The following INTS6 variants were observed in gnomAD, a reference collection of about 807,000 sequenced individuals.
The protein encoded by INTS6 is integrator complex subunit 6, also known as DEAD box protein.
A neutral mutation model predicts 104.9 loss-of-function variants in INTS6; 16 were observed. The ratio of observed to expected loss-of-function variants is 0.15; its 90% CI spans 0.10 to 0.23. INTS6 has a LOEUF of 0.23. Among genes scored for constraint, INTS6 ranks in the 10% least tolerant of loss-of-function variants. The pLI, the probability that INTS6 is intolerant of heterozygous loss-of-function variation, is 1.00. For missense variants in INTS6, 584 were observed against 1,062.8 expected (o/e 0.55, Z 6.26); for synonymous variants, 324 against 358.7 (o/e 0.90, Z 1.09).
the INTS6 span, among the ~76,000 whole-genome samples, chr13:51,345,099 A>G: frequency 3.3e-5 from 5 of 152,290 alleles, no homozygotes; most frequent in Non-Finnish European, 5.9e-5. Context: ...TGTTTAGTTT[A>G]TTTAGTTAGC....
At chr13:51,420,479 T>C (rs1041918975) in intron 4 of INTS6, among the ~76,000 whole-genome samples, 2 of 152,076 alleles carry the variant, frequency 1.3e-5, no homozygotes, top group African/African-American at 4.8e-5. Context: ...TTAAACTTTT[T>C]CCAAAATACT....
intron 16 of INTS6, 88 bp downstream of exon 16, chr13:51,368,851 T>A: frequency 1.5e-6 from 2 of 1,324,476 alleles, no homozygotes; most frequent in Non-Finnish European, 2.1e-6. Flanking sequence ...TGTATTCTTT[T>A]ACTACAGTTA....
intron 10 of INTS6, among the ~76,000 whole-genome samples, chr13:51,380,442 A>G (rs551825237): frequency 2.0e-5 from 3 of 152,288 alleles, no homozygotes; most frequent in East Asian, 3.9e-4. Context: ...TTTAACACCT[A>G]TCTGGCTTGG....
At chr13:51,365,898 A>G in intron 17 of INTS6, 53 bp from the exon 18 acceptor site, 1 of 1,014,964 alleles carries the variant, frequency 9.9e-7, no homozygotes, top group Non-Finnish European at 1.4e-6. Context: ...AATAGTATAT[A>G]TCAGTATAAT....
At position 51,364,274 on chromosome 13, in the gene INTS6, C is replaced by A; in HGVS notation, c.*1478G>T. 6.8e-7 allele frequency: 1 copy of A among 1,476,692 alleles called. No homozygotes were observed. The highest frequency in any genetic ancestry group is 9.1e-7 in the Non-Finnish European group (1 of 1,100,020). 91.5% of individuals were successfully genotyped at this position (1,476,692 alleles called of 1,614,324 possible). A position where few individuals can be genotyped will look rare whatever the true frequency, so the allele number is the denominator to read the frequency against. On this transcript the variant is annotated 3_prime_UTR_variant, in exon 18 of 18. Coordinates refer to ENST00000311234, the MANE Select transcript of INTS6 (RefSeq NM_012141.3). ...CAGTATTGGGAGAGTTTCAAATCCC[C>A]TAGACTAAATGCATGTTCTCCACTT...
chr13:51,344,454 G>T, the INTS6 span: 21 of 1,599,436 alleles, frequency 1.3e-5, no homozygotes, highest in Non-Finnish European at 1.1e-5. Flanking sequence ...CCGCCATCCA[G>T]ACTAGCGAAG....
At chr13:51,368,359 C>G (rs539973462) in intron 16 of INTS6, among the ~76,000 whole-genome samples, 1 of 152,164 alleles carries the variant, frequency 6.6e-6, no homozygotes, top group South Asian at 2.1e-4. Context: ...GTCTGAACTC[C>G]AAGGACTGAT....
chr13:51,357,294 A>G (rs539220085), downstream of INTS6, among the ~76,000 whole-genome samples: 1 of 152,316 alleles, frequency 6.6e-6, no homozygotes, highest in South Asian at 2.1e-4. Flanking sequence ...TCTCCAACAA[A>G]TAGTTTCCTC....
intron 4 of INTS6, among the ~76,000 whole-genome samples, 163 bp from the exon 5 acceptor site, chr13:51,395,646 A>C (rs983378129): frequency 7.2e-5 from 11 of 152,228 alleles, no homozygotes; most frequent in Admixed American, 5.9e-4. Flanking sequence ...AAAACAGCAC[A>C]TGATACTGTT....
At chr13:51,414,887 T>C (rs981363433) in intron 4 of INTS6, among the ~76,000 whole-genome samples, 1 of 149,926 alleles carries the variant, frequency 6.7e-6, no homozygotes, top group Admixed American at 6.7e-5. Flanking sequence ...AGACTCAAGA[T>C]TGAATTCCTC....
At chr13:51,344,226 A>G in the INTS6 span, 1 of 1,582,620 alleles carries the variant, frequency 6.3e-7, no homozygotes, top group South Asian at 1.1e-5. Flanking sequence ...CACCATTGTC[A>G]ACTTATCCCA....
chr13:51,430,459 A>G (rs907054933), intron 3 of INTS6, 76 bp from the exon 4 acceptor site: 11 of 1,043,314 alleles, frequency 1.1e-5, no homozygotes, highest in South Asian at 1.4e-5. Context: ...TTCTCAGAAC[A>G]GCATATATAC....
chr13:51,425,714 G>A lies in INTS6; in HGVS notation c.429+4580C>T, dbSNP rs368739391. 9.9e-5 allele frequency among the ~76,000 whole-genome samples: 15 copies of A among 152,120 alleles called. No homozygotes were observed. In the East Asian group the frequency reaches 2.5e-3, roughly 25 times the overall value. The stretch of plus-strand genomic sequence containing the variant: ...TCCATTGCAAAGCAGTACTAGAGAG[G>A]ATTATCTGCAGATATCAGAAGAAAA... On this transcript the variant is annotated intron_variant, in intron 4 of 17. Transcript: ENST00000311234.
chr13:51,345,730 C>T, the INTS6 span, among the ~76,000 whole-genome samples: 3 of 152,068 alleles, frequency 2.0e-5, no homozygotes, highest in Admixed American at 6.5e-5. Flanking sequence ...AGTTCTCTCT[C>T]ATGCTCTTTT....
intron 4 of INTS6, among the ~76,000 whole-genome samples, chr13:51,424,413 T>G (rs1956950754): frequency 6.6e-6 from 1 of 152,026 alleles, no homozygotes; most frequent in African/African-American, 2.4e-5. Flanking sequence ...CAAATGTAAA[T>G]TGCTGAAAAC....
At chr13:51,338,124 A>G in the INTS6 span, among the ~76,000 whole-genome samples, 2 of 152,252 alleles carry the variant, frequency 1.3e-5, no homozygotes, top group Non-Finnish European at 2.9e-5. Context: ...AAATGTTTGT[A>G]GAAGTTACAC....
rs34887995 is a variant in INTS6 at position 51,417,452 on chromosome 13, C to CTTTTTT, written c.429+12836_429+12841dup. On this transcript the variant is annotated intron_variant, in intron 4 of 17. Transcript: ENST00000311234. ...CCCAAAACCATTTGCTAAGAAAATT[C>CTTTTTT]TTTTTTTTTTTTTTTTTTTTGAGAC... is the stretch of plus-strand genomic sequence containing the variant. Among the ~76,000 whole-genome samples, 107 of 112,528 alleles carry CTTTTTT rather than the reference C, an allele frequency of 9.5e-4. 1 individual carries two copies. The highest frequency in any genetic ancestry group is 2.3e-3 in the South Asian group (8 of 3,522). The allele number at this position is 112,528 out of a possible 152,430, so 73.8% of individuals were successfully genotyped here.
At chr13:51,431,719 G>A (rs1316216322) in intron 3 of INTS6, among the ~76,000 whole-genome samples, 2 of 151,922 alleles carry the variant, frequency 1.3e-5, no homozygotes, top group African/African-American at 4.8e-5. Flanking sequence ...TTTCTAATTG[G>A]TGCCCAAGAA....
In INTS6 at chr13:51,401,845, G is replaced by C. The variant is rs544672238; in HGVS notation, c.430-6362C>G. 7.9e-5 allele frequency among the ~76,000 whole-genome samples: 12 copies of C among 152,012 alleles called. 2 individuals carry two copies. The South Asian group carries it at 2.5e-3, about 32-fold the overall frequency. ...ACACTGTATTATACTGCCTAACCAGGAGTGGAAATATAATCTGCATTTTTA... is the reference window on the plus strand; with the variant it reads ...ACACTGTATTATACTGCCTAACCAGCAGTGGAAATATAATCTGCATTTTTA... On this transcript the variant is annotated intron_variant, in intron 4 of 17. Transcript: ENST00000311234.
Sources: gnomAD v4.1 joint callset for allele counts (sites outside exome capture counted in the v4.1 genomes callset) on GRCh38, gnomAD v4.1.1 for gene constraint, MANE v1.5 for transcripts, NCBI Gene and HGNC (gene_info 2026-07-23, HGNC 2026-07-21) for gene names.